PTPRD: variants seen among roughly 807,000 people sequenced by gnomAD.
PTPRD encodes the protein receptor-type tyrosine-protein phosphatase delta.
PTPRD carries 34 observed loss-of-function variants against 214.5 expected under a neutral mutation model. The ratio of observed to expected loss-of-function variants is 0.16; its 90% CI spans 0.12 to 0.21. PTPRD has a LOEUF of 0.21. Ranked by LOEUF, PTPRD falls within the 10% of genes least tolerant of loss-of-function variation. PTPRD has a pLI of 1.00. For synonymous variants in PTPRD, 1,128 were observed against 845.7 expected (o/e 1.33, Z -5.79); for missense variants, 2,545 against 2,398.7 (o/e 1.06, Z -1.27).
At chr9:8,402,624 G>T (rs2092545755) in intron 36 of PTPRD, among the ~76,000 whole-genome samples, 1 of 151,950 alleles carries the variant, frequency 6.6e-6, no homozygotes, top group Non-Finnish European at 1.5e-5. Flanking sequence ...ATTTCTCTCT[G>T]CTATTTGTGA....
intron 11 of PTPRD, among the ~76,000 whole-genome samples, chr9:8,771,300 A>G (rs2095194314): frequency 6.6e-6 from 1 of 152,192 alleles, no homozygotes; most frequent in South Asian, 2.1e-4. Context: ...TTTTCCCATT[A>G]TGGAGGAAAA....
intron 2 of PTPRD, among the ~76,000 whole-genome samples, chr9:10,380,200 T>C (rs1015513812): frequency 6.6e-6 from 1 of 152,050 alleles, no homozygotes; most frequent in Non-Finnish European, 1.5e-5. Context: ...AAGAAACACA[T>C]AGAGATGTTG....
chr9:8,898,438 T>A (rs2098638326), intron 11 of PTPRD, among the ~76,000 whole-genome samples: 1 of 152,168 alleles, frequency 6.6e-6, no homozygotes, highest in Admixed American at 6.5e-5. Flanking sequence ...CTCATTCTAC[T>A]CTTGGTGATT....
At chr9:9,627,215 G>A (rs146013570) in intron 7 of PTPRD, among the ~76,000 whole-genome samples, 1 of 152,292 alleles carries the variant, frequency 6.6e-6, no homozygotes, top group Admixed American at 6.5e-5. Context: ...GCTGAAGCAG[G>A]AGAATCGCTT....
chr9:9,727,393 T>C (rs941114457), intron 7 of PTPRD, among the ~76,000 whole-genome samples: 5 of 152,112 alleles, frequency 3.3e-5, no homozygotes, highest in African/African-American at 9.7e-5. Context: ...AAGGGTGCAA[T>C]GAGCCAAGAT....
chr9:9,738,906 T>C (rs10977939), intron 6 of PTPRD, among the ~76,000 whole-genome samples: 6,235 of 152,276 alleles, frequency 0.041, 740 homozygotes, highest in East Asian at 0.4. Context: ...ACATATAGCT[T>C]TACATCTTTC....
intron 11 of PTPRD, among the ~76,000 whole-genome samples, chr9:8,788,935 T>C (rs991515198): frequency 6.6e-6 from 1 of 152,118 alleles, no homozygotes; most frequent in African/African-American, 2.4e-5. Flanking sequence ...TACTGGACCT[T>C]ATCAATGTCA....
At chr9:9,456,642 A>T (rs1208463546) in intron 8 of PTPRD, among the ~76,000 whole-genome samples, 1 of 151,946 alleles carries the variant, frequency 6.6e-6, no homozygotes, top group Admixed American at 6.6e-5. Context: ...ACTAATGTTT[A>T]TGGAGTGCTT....
chr9:8,696,277 T>C (rs2097909568), intron 12 of PTPRD, among the ~76,000 whole-genome samples: 1 of 152,244 alleles, frequency 6.6e-6, no homozygotes, highest in Non-Finnish European at 1.5e-5. Flanking sequence ...CTCTTTCCCT[T>C]ATCTTGCAGA....
intron 5 of PTPRD, among the ~76,000 whole-genome samples, chr9:9,913,552 G>A (rs2079830126): frequency 1.3e-5 from 2 of 152,146 alleles, no homozygotes; most frequent in South Asian, 2.1e-4. Context: ...TGCACCAGTA[G>A]TGACTGGAAA....
intron 9 of PTPRD, among the ~76,000 whole-genome samples, chr9:9,192,543 T>C (rs964465423): frequency 1.6e-4 from 24 of 152,236 alleles, no homozygotes; most frequent in Middle Eastern, 3.4e-3. Context: ...CAATTCATAA[T>C]TTCCCTTTAT....
At chr9:9,198,989 A>T (rs889250918) in intron 9 of PTPRD, among the ~76,000 whole-genome samples, 2 of 152,140 alleles carry the variant, frequency 1.3e-5, no homozygotes, top group Admixed American at 1.3e-4. Flanking sequence ...AGGAAGATAT[A>T]ACTTATGATT....
chr9:10,402,887 G>C (rs935450026), intron 2 of PTPRD, among the ~76,000 whole-genome samples: 3 of 151,512 alleles, frequency 2.0e-5, no homozygotes, highest in African/African-American at 7.3e-5. Flanking sequence ...GTAGGCTTTA[G>C]ACATTTATTA....
At chr9:8,479,743 T>C (rs765207578) in intron 30 of PTPRD, among the ~76,000 whole-genome samples, 31 of 152,334 alleles carry the variant, frequency 2.0e-4, no homozygotes, top group South Asian at 1.2e-3. Context: ...AAAGAAAGTA[T>C]TGAAAACTAA....
chr9:9,866,255 G>A (rs970753028), intron 5 of PTPRD, among the ~76,000 whole-genome samples: 2 of 152,018 alleles, frequency 1.3e-5, no homozygotes, highest in Non-Finnish European at 2.9e-5. Context: ...TTAATCAGTT[G>A]TAGTTTTGTT....
At chr9:10,268,255 A>G (rs917202075) in intron 3 of PTPRD, among the ~76,000 whole-genome samples, 10 of 150,396 alleles carry the variant, frequency 6.6e-5, no homozygotes, top group African/African-American at 2.4e-4. Context: ...ATGCCACTGC[A>G]CACCAGCCTG....
chr9:9,488,990 G>A (rs1387212602), intron 8 of PTPRD, among the ~76,000 whole-genome samples: 1 of 152,084 alleles, frequency 6.6e-6, no homozygotes, highest in African/African-American at 2.4e-5. Flanking sequence ...CATTATTGTT[G>A]CACTACTCAC....
chr9:9,821,371 G>T (rs756289863), intron 5 of PTPRD, among the ~76,000 whole-genome samples: 2 of 152,162 alleles, frequency 1.3e-5, no homozygotes, highest in Admixed American at 1.3e-4. Flanking sequence ...GGGTGGAAGG[G>T]ATTGTACACA....
chr9:9,425,099 T>A (rs559424425), intron 8 of PTPRD, among the ~76,000 whole-genome samples: 1 of 152,110 alleles, frequency 6.6e-6, no homozygotes, highest in African/African-American at 2.4e-5. Flanking sequence ...GAACTTGGGC[T>A]AGACTGTCTA....
Sources: allele counts gnomAD v4.1 joint callset (sites outside exome capture counted in the v4.1 genomes callset), GRCh38; gene constraint gnomAD v4.1.1; transcripts MANE v1.5; gene names NCBI Gene and HGNC (gene_info 2026-07-23, HGNC 2026-07-21).